The following ASIC2 variants were observed in gnomAD, a reference collection of about 807,000 sequenced individuals.
The protein encoded by ASIC2 is acid sensing ion channel subunit 2, also known as acid-sensing ion channel 2.
ASIC2 carries 25 observed loss-of-function variants against 57.3 expected under a neutral mutation model. The observed-to-expected ratio is 0.44, with a 90% confidence interval of 0.32 to 0.61. The LOEUF is 0.61. Among genes scored for constraint, ASIC2 ranks in the 20% least tolerant of loss-of-function variants. The pLI, the probability that ASIC2 is intolerant of heterozygous loss-of-function variation, is 0.06. For synonymous variants in ASIC2, 319 were observed against 307.5 expected (o/e 1.04, Z -0.39); for missense variants, 641 against 738.1 (o/e 0.87, Z 1.52).
chr17:33,900,159 C>T (rs913296312), intron 1 of ASIC2, among the ~76,000 whole-genome samples: 10 of 152,196 alleles, frequency 6.6e-5, no homozygotes, highest in Non-Finnish European at 8.8e-5. Flanking sequence ...AATTCCGTCA[C>T]ATATTAATAA....
intron 1 of ASIC2, among the ~76,000 whole-genome samples, chr17:33,114,274 A>C (rs551649615): frequency 1.3e-5 from 2 of 152,350 alleles, no homozygotes; most frequent in African/African-American, 4.8e-5. Context: ...TGCATATAGC[A>C]ATTGAACTTG....
At chr17:33,099,047 C>A (rs1193402457) in intron 2 of ASIC2, among the ~76,000 whole-genome samples, 1 of 150,592 alleles carries the variant, frequency 6.6e-6, no homozygotes, top group Non-Finnish European at 1.5e-5. Flanking sequence ...GGCTGGAGTG[C>A]AATGGCGTGA....
intron 1 of ASIC2, among the ~76,000 whole-genome samples, chr17:33,730,567 T>C (rs1387726194): frequency 2.0e-5 from 3 of 152,358 alleles, no homozygotes; most frequent in East Asian, 3.9e-4. Flanking sequence ...TGAATATAAA[T>C]GAACCATTCT....
intron 1 of ASIC2, among the ~76,000 whole-genome samples, chr17:33,998,128 G>A (rs1906219747): frequency 6.6e-6 from 1 of 151,982 alleles, no homozygotes; most frequent in Non-Finnish European, 1.5e-5. Flanking sequence ...TAGATGGTAT[G>A]TTCCCTAGAA....
chr17:33,704,019 C>T lies in ASIC2; in HGVS notation c.555+451959G>A, dbSNP rs566920936. On this transcript the variant is annotated intron_variant, in intron 1 of 9. Transcript: ENST00000359872. ...TTTATTCTGAGCTCAGGTCACTGTT[C>T]TCTCCCTACTTCCTGAACTTTGCCT... Among the ~76,000 whole-genome samples, 156 of 152,310 alleles carry T rather than the reference C, an allele frequency of 1.0e-3. No homozygotes were observed. In the Middle Eastern group the frequency reaches 0.014, roughly 13 times the overall value.
At chr17:33,772,908 T>A (rs1401715045) in intron 1 of ASIC2, among the ~76,000 whole-genome samples, 3 of 152,182 alleles carry the variant, frequency 2.0e-5, no homozygotes, top group Non-Finnish European at 4.4e-5. Context: ...AATGAGTTTG[T>A]TGGCCAAGTG....
intron 1 of ASIC2, among the ~76,000 whole-genome samples, chr17:33,122,952 A>G (rs2141998479): frequency 6.6e-6 from 1 of 152,310 alleles, no homozygotes; most frequent in Admixed American, 6.5e-5. Context: ...ATCACCTCTC[A>G]TCTGTTACAG....
intron 1 of ASIC2, among the ~76,000 whole-genome samples, chr17:33,592,338 C>T (rs1904853448): frequency 6.6e-6 from 1 of 152,240 alleles, no homozygotes; most frequent in Admixed American, 6.5e-5. Flanking sequence ...CCTTGGTGTT[C>T]ACTAGCTGCC....
intron 9 of ASIC2, among the ~76,000 whole-genome samples, chr17:33,015,247 G>T (rs1020807954): frequency 6.6e-6 from 1 of 152,214 alleles, no homozygotes; most frequent in Non-Finnish European, 1.5e-5. Flanking sequence ...GGGGCCCAAG[G>T]CTGGATGGGG....
rs1452391323 is a variant in ASIC2 at position 33,831,950 on chromosome 17, T to C, written c.555+324028A>G. Among the ~76,000 whole-genome samples the C allele has an allele frequency of 5.9e-5, 9 of 152,222 alleles. No homozygotes were observed. In the East Asian group the frequency reaches 1.5e-3, roughly 26 times the overall value. On this transcript the variant is annotated intron_variant, in intron 1 of 9. Transcript: ENST00000359872. Reference sequence around the variant, plus strand: ...ATGTCTCTTCCTAGCCTCTGTTTTGTTGTTGTCCTTTTTCATTTTTACCCT... The same window carrying C: ...ATGTCTCTTCCTAGCCTCTGTTTTGCTGTTGTCCTTTTTCATTTTTACCCT...
intron 1 of ASIC2, among the ~76,000 whole-genome samples, chr17:33,740,602 G>T (rs1910080870): frequency 6.6e-6 from 1 of 152,156 alleles, no homozygotes; most frequent in Admixed American, 6.5e-5. Context: ...TTTGGGTGCG[G>T]ACACAGCCAA....
rs1474614098 is a variant in ASIC2 at position 33,292,701 on chromosome 17, G to C, written c.-586C>G. The C allele has an allele frequency of 1.0e-6, 1 of 985,444 alleles. No individual in the cohort carries two copies. The allele number at this position is 985,444 out of a possible 1,614,324, so 61.0% of individuals were successfully genotyped here. A position where few individuals can be genotyped will look rare whatever the true frequency, so the allele number is the denominator to read the frequency against. ...CCCCAGAGGCGCACCGCGGCTCCTG[G>C]CTGGGCGGGCGGGGTGGGTGTGTAC... On this transcript the variant is annotated 5_prime_UTR_variant, in exon 1 of 10. Transcript: ENST00000225823.
chr17:33,165,801 T>C (rs1905289142), intron 1 of ASIC2, among the ~76,000 whole-genome samples: 1 of 152,152 alleles, frequency 6.6e-6, no homozygotes, highest in African/African-American at 2.4e-5. Context: ...AGGATTTGCC[T>C]TTTAATGTAA....
chr17:33,401,044 A>G (rs908559797), intron 1 of ASIC2, among the ~76,000 whole-genome samples: 2 of 152,196 alleles, frequency 1.3e-5, no homozygotes, highest in Non-Finnish European at 2.9e-5. Flanking sequence ...CCAGGCTGAC[A>G]GAGAGTTGGC....
chr17:33,292,136 G>C lies in ASIC2; in HGVS notation c.-21C>G. On this transcript the variant is annotated 5_prime_UTR_variant, in exon 1 of 10. Transcript: ENST00000225823. The stretch of plus-strand genomic sequence containing the variant: ...CTCATTCATTCAGCCCGCGGCTGGC[G>C]GCAGCGGCGGCGGCCCCGGCCGGGC... The C allele has an allele frequency of 9.7e-7, 1 of 1,034,368 alleles. No homozygotes were observed. Among genetic ancestry groups the C allele is most frequent in the Non-Finnish European group, 1.2e-6 (1 of 863,938 alleles). 64.1% of individuals were successfully genotyped at this position (1,034,368 alleles called of 1,614,324 possible).
At chr17:34,102,912 T>A (rs1382266855) in intron 1 of ASIC2, among the ~76,000 whole-genome samples, 1 of 152,220 alleles carries the variant, frequency 6.6e-6, no homozygotes, top group Non-Finnish European at 1.5e-5. Flanking sequence ...TGGACAGGCA[T>A]TTCATTTGCT....
At position 34,043,554 on chromosome 17, in the gene ASIC2, T is replaced by A. The variant is rs375886048; in HGVS notation, c.555+112424A>T. The stretch of plus-strand genomic sequence containing the variant: ...TTAAAACCTTCCATTTGTTTAGTGC[T>A]TTAGAATTTATAGTTTGCATGGTCA... On this transcript the variant is annotated intron_variant, in intron 1 of 9. Transcript: ENST00000359872. Among the ~76,000 whole-genome samples the A allele has an allele frequency of 2.6e-5, 4 of 152,322 alleles. No individual in the cohort carries two copies. In the South Asian group the frequency reaches 8.3e-4, roughly 32 times the overall value.
At chr17:33,427,712 C>G (rs1321470851) in intron 1 of ASIC2, among the ~76,000 whole-genome samples, 1 of 152,190 alleles carries the variant, frequency 6.6e-6, no homozygotes, top group Non-Finnish European at 1.5e-5. Flanking sequence ...GATTCTCAAC[C>G]CTGGCTGTAC....
intron 3 of ASIC2, among the ~76,000 whole-genome samples, chr17:33,057,948 G>A (rs1441848423): frequency 6.6e-6 from 1 of 152,158 alleles, no homozygotes; most frequent in Non-Finnish European, 1.5e-5. Context: ...ATGAAGTTGG[G>A]TGTGCCTCCC....
Sources: allele counts gnomAD v4.1 joint callset (sites outside exome capture counted in the v4.1 genomes callset), GRCh38; gene constraint gnomAD v4.1.1; transcripts MANE v1.5; gene names NCBI Gene and HGNC (gene_info 2026-07-23, HGNC 2026-07-21).